FAM3A: variants seen among roughly 807,000 people sequenced by gnomAD.
The protein encoded by FAM3A is protein FAM3A.
FAM3A carries 5 observed loss-of-function variants against 18.1 expected under a neutral mutation model. That is an observed-to-expected ratio of 0.28 (90% CI 0.14 to 0.58). The LOEUF (loss-of-function observed/expected upper bound fraction) is 0.58, where lower values mean the gene tolerates loss of function less well. FAM3A is among the 20% of genes least tolerant of loss of function. The pLI is 0.91. For missense variants in FAM3A, 154 were observed against 216.6 expected, an observed-to-expected ratio of 0.71 and a Z score of 1.81; for synonymous variants, 108 against 90.2, an observed-to-expected ratio of 1.20 and a Z score of -1.12.
intron 5 of FAM3A, 82 bp from the exon 6 acceptor site, chrX:154,507,943 G>T (rs993744304): frequency 1.2e-6 from 1 of 863,611 alleles, no homozygotes; most frequent in Non-Finnish European, 1.6e-6. Flanking sequence ...GGGGTGGGGG[G>T]CAGCCCTTCT....
At chrX:154,512,020 G>A (rs2069903026) in intron 2 of FAM3A, 149 bp from the exon 3 acceptor site, 16 of 471,283 alleles carry the variant, frequency 3.4e-5, no homozygotes, top group South Asian at 3.2e-4. Context: ...CATGCTTCCT[G>A]CTCAAGTGTA....
At position 154,507,332 on chromosome X, in the gene FAM3A, G is replaced by A; in HGVS notation, c.471-3C>T. 1 of 1,211,912 alleles carries A rather than the reference G, an allele frequency of 8.3e-7. No individual in the cohort carries two copies. Among genetic ancestry groups the A allele is most frequent in the Non-Finnish European group, 1.1e-6 (1 of 895,503 alleles). On this transcript the variant is annotated splice_polypyrimidine_tract_variant and splice_region_variant and intron_variant, in intron 7 of 8. Coordinates refer to ENST00000447601, the MANE Select transcript of FAM3A (RefSeq NM_021806.4). ...GCTTTCTGGTCTCTTCATTCATCCT[G>A]CAGCATGGGAGGAAGGGGTGTCAGC...
chrX:154,514,982 A>AT (rs1483885407), intron 1 of FAM3A, among the ~76,000 whole-genome samples: 2 of 107,703 alleles, frequency 1.9e-5, no homozygotes, highest in Non-Finnish European at 3.8e-5. Flanking sequence ...CGCCAGGCTC[A>AT]TTTTTTTGTA....
In FAM3A at chrX:154,508,361, GGT is replaced by G. The variant is rs2148294535; in HGVS notation, c.276-16_276-15del. ...CTGCTCATCAGCCTAGTTGGGGGGG[GGT>G]GGGGGGGACGGGGAGATCCCACATG... On this transcript the variant is annotated splice_polypyrimidine_tract_variant and intron_variant, in intron 4 of 8. Transcript: ENST00000447601. 7.8e-6 allele frequency: 3 copies of G among 385,415 alleles called. No individual in the cohort carries two copies. Among genetic ancestry groups the G allele is most frequent in the East Asian group, 1.3e-4 (2 of 15,389 alleles). The allele number at this position is 385,415 out of a possible 1,213,427, so 31.8% of individuals were successfully genotyped here.
At chrX:154,512,297 G>T in intron 2 of FAM3A, 1 of 255,346 alleles carries the variant, frequency 3.9e-6, no homozygotes. Flanking sequence ...GAAGAAGCCG[G>T]GTTTGGTGGT....
At chrX:154,509,528 G>GC (rs2069750755) in intron 3 of FAM3A, 1 of 112,462 alleles carries the variant, frequency 8.9e-6, no homozygotes, top group Admixed American at 9.5e-5. Flanking sequence ...GTAGTCAGTA[G>GC]AGGCTTGTCT....
At chrX:154,515,738 G>T (rs782600998) in intron 1 of FAM3A, 22 bp downstream of exon 1, 3 of 1,208,482 alleles carry the variant, frequency 2.5e-6, no homozygotes, top group Non-Finnish European at 3.4e-6. Flanking sequence ...ACTCCCTCCC[G>T]TTCGCTGTGG....
intron 2 of FAM3A, 113 bp from the exon 3 acceptor site, chrX:154,511,984 C>G (rs782164443): frequency 5.8e-6 from 4 of 684,246 alleles, no homozygotes; most frequent in East Asian, 3.4e-5. Flanking sequence ...GCTCAGGGGC[C>G]GGGGGCTAAG....
At position 154,507,873 on chromosome X, in the gene FAM3A, G is replaced by A. The variant is rs1398310424; in HGVS notation, c.335-12C>T. ...CTCGCCGCTGACCCCTGTGTCAGGA[G>A]GGAGGGGCCCTGCTGGGTAAGCCAG... On this transcript the variant is annotated splice_polypyrimidine_tract_variant and intron_variant, in intron 5 of 8. Transcript: ENST00000447601. 1.7e-6 allele frequency: 2 copies of A among 1,188,994 alleles called. No individual in the cohort carries two copies. The highest frequency in any genetic ancestry group is 2.3e-5 in the Admixed American group (1 of 43,689).
In FAM3A at chrX:154,508,565, G is replaced by A. The variant is rs781905164; in HGVS notation, c.184C>T (p.Pro62Ser). The part of the protein sequence containing the change: ...PRARKYKCGL[P>S]QPCPEEHLAF... ...AGGTGCTCCTCAGGACACGGCTGGG[G>A]CAGGCCACACTTGTACTTCCTGGCC... Residue 62 changes from proline (P) to serine (S), a missense_variant, in exon 4 of 9, where the codon CCC (proline) becomes TCC (serine). By Grantham distance (74) the Pro-to-Ser change is moderately conservative. Coordinates refer to ENST00000447601, the MANE Select transcript of FAM3A (RefSeq NM_021806.4). 27 of 1,198,377 alleles carry A rather than the reference G, an allele frequency of 2.3e-5. No homozygotes were observed. In the South Asian group the frequency reaches 4.6e-4, roughly 20 times the overall value.
intron 1 of FAM3A, 44 bp from the exon 2 acceptor site, chrX:154,512,980 G>T: frequency 1.1e-6 from 1 of 911,974 alleles, no homozygotes; most frequent in Non-Finnish European, 1.6e-6. Flanking sequence ...TCAGATACCA[G>T]CGAACCCCAG....
rs1557222864 is a variant in FAM3A at position 154,511,840 on chromosome X, G to A, written c.151+8C>T. On this transcript the variant is annotated splice_region_variant and intron_variant, in intron 3 of 8. Transcript: ENST00000447601. ...AGGGGAGGAGCAGGGAGGTGACAGG[G>A]GCCTTACCTGCAGTCACCGAGCTCT... 8.3e-7 allele frequency: 1 copy of A among 1,207,885 alleles called. No individual in the cohort carries two copies. Among genetic ancestry groups the A allele is most frequent in the Admixed American group, 2.2e-5 (1 of 45,912 alleles).
At chrX:154,512,110 G>A (rs953446695) in intron 2 of FAM3A, among the ~76,000 whole-genome samples, 3 of 110,204 alleles carry the variant, frequency 2.7e-5, no homozygotes, top group African/African-American at 3.3e-5. Context: ...TGACCTGGCC[G>A]GGCATAGTGG....
intron 6 of FAM3A, 150 bp from the exon 7 acceptor site, chrX:154,507,640 C>T (rs1333954026): frequency 2.5e-6 from 2 of 794,579 alleles, no homozygotes; most frequent in Admixed American, 5.3e-5. Context: ...GCTGAGGCAT[C>T]CCCGTGACCT....
In FAM3A at chrX:154,516,045, T is replaced by C; in HGVS notation, c.-273A>G. ...AGCCTCCGGGGCTGGGACGAAGATGTGGTTCTCCTGGGCTCGGGCCGTTCC... is the reference window on the plus strand; with the variant it reads ...AGCCTCCGGGGCTGGGACGAAGATGCGGTTCTCCTGGGCTCGGGCCGTTCC... On this transcript the variant is annotated 5_prime_UTR_variant, in exon 1 of 9. Transcript: ENST00000447601. 1 of 359,465 alleles carries C rather than the reference T, an allele frequency of 2.8e-6. No homozygotes were observed. Among genetic ancestry groups the C allele is most frequent in the Non-Finnish European group, 4.8e-6 (1 of 206,524 alleles). 29.6% of individuals were successfully genotyped at this position (359,465 alleles called of 1,213,427 possible).
chrX:154,507,171 C>G lies in FAM3A; in HGVS notation c.597+32G>C, dbSNP rs781807559. 2.5e-6 allele frequency: 3 copies of G among 1,178,953 alleles called. No homozygotes were observed. In the Admixed American group the frequency reaches 7.2e-5, roughly 28 times the overall value. ...CAGGCAGAAGGGGCGACAGGCTGCC[C>G]CGGTGGGGGTGATGCCAGGCACCCC... On this transcript the variant is annotated intron_variant, in intron 8 of 8. Transcript: ENST00000447601.
chrX:154,507,601 C>T, intron 6 of FAM3A, 111 bp from the exon 7 acceptor site: 1 of 900,620 alleles, frequency 1.1e-6, no homozygotes. Context: ...CTGGGACATG[C>T]CCCGCCAAGG....
intron 3 of FAM3A, chrX:154,509,949 G>A (rs1417480378): frequency 8.9e-6 from 1 of 112,840 alleles, no homozygotes; most frequent in Admixed American, 9.4e-5. Context: ...GAGACTGTTG[G>A]TAGGAGTATG....
At position 154,516,073 on chromosome X, in the gene FAM3A, C is replaced by T. The variant is rs946123184; in HGVS notation, c.-301G>A. ...TTCTCCTGGGCTCGGGCCGTTCCTC[C>T]GGGCCTGGGGGCTGGCGATGCGGGC... On this transcript the variant is annotated 5_prime_UTR_variant, in exon 1 of 9. Transcript: ENST00000447601. 1 of 285,690 alleles carries T rather than the reference C, an allele frequency of 3.5e-6. No individual in the cohort carries two copies. Among genetic ancestry groups the T allele is most frequent in the Non-Finnish European group, 6.2e-6 (1 of 161,963 alleles). The allele number at this position is 285,690 out of a possible 1,213,427, so 23.5% of individuals were successfully genotyped here.
Sources: allele counts gnomAD v4.1 joint callset (sites outside exome capture counted in the v4.1 genomes callset), GRCh38; gene constraint gnomAD v4.1.1; transcripts MANE v1.5; gene names NCBI Gene and HGNC (gene_info 2026-07-23, HGNC 2026-07-21).